CDKAL1: variants seen among roughly 807,000 people sequenced by gnomAD.
The protein encoded by CDKAL1 is threonylcarbamoyladenosine tRNA methylthiotransferase.
In CDKAL1, 32 loss-of-function variants were observed where a neutral mutation model predicts 68.2. The ratio of observed to expected loss-of-function variants is 0.47; its 90% CI spans 0.35 to 0.63. CDKAL1 has a LOEUF of 0.63. CDKAL1 is among the 30% of genes least tolerant of loss of function. The pLI is 0.00. For synonymous variants in CDKAL1, 234 were observed against 244.3 expected (o/e 0.96, Z 0.39); for missense variants, 606 against 696.7 (o/e 0.87, Z 1.47).
intron 5 of CDKAL1, among the ~76,000 whole-genome samples, chr6:20,706,374 C>A (rs1367588280): frequency 1.3e-5 from 2 of 152,154 alleles, no homozygotes; most frequent in African/African-American, 4.8e-5. Flanking sequence ...AGGCTTCCCG[C>A]CAACCCTTTG....
intron 13 of CDKAL1, among the ~76,000 whole-genome samples, chr6:21,144,805 T>C (rs1245050575): frequency 6.6e-6 from 1 of 151,828 alleles, no homozygotes; most frequent in Non-Finnish European, 1.5e-5. Context: ...TGACCTTGTC[T>C]CCAAAAAGAA....
chr6:20,545,237 A>G (rs9366354), intron 2 of CDKAL1, among the ~76,000 whole-genome samples: 66,492 of 151,228 alleles, frequency 0.44, 14,917 homozygotes, highest in East Asian at 0.54. Context: ...CTTGTTTTAT[A>G]TATAATGTCC....
At chr6:21,014,325 C>T (rs3966676) in intron 11 of CDKAL1, among the ~76,000 whole-genome samples, 30,892 of 152,046 alleles carry the variant, frequency 0.2, 3,383 homozygotes, top group South Asian at 0.32. Flanking sequence ...GTTCTCGGGC[C>T]GGGTGTGGTG....
intron 14 of CDKAL1, among the ~76,000 whole-genome samples, chr6:21,199,964 G>T (rs1394520276): frequency 6.6e-6 from 1 of 152,124 alleles, no homozygotes; most frequent in African/African-American, 2.4e-5. Flanking sequence ...TGGAACTCCT[G>T]GCTCTCATCT....
At chr6:20,790,776 G>C (rs1215407568) in intron 8 of CDKAL1, among the ~76,000 whole-genome samples, 1 of 152,156 alleles carries the variant, frequency 6.6e-6, no homozygotes, top group East Asian at 1.9e-4. Context: ...TGCAGGGGGT[G>C]GTCCCCCCAC....
intron 6 of CDKAL1, among the ~76,000 whole-genome samples, chr6:20,752,909 A>G (rs1443017585): frequency 6.6e-6 from 1 of 152,096 alleles, no homozygotes; most frequent in Non-Finnish European, 1.5e-5. Flanking sequence ...AGTCTCCTTT[A>G]ATCTGGATCA....
chr6:21,159,883 G>T (rs1776828682), intron 13 of CDKAL1, among the ~76,000 whole-genome samples: 1 of 152,188 alleles, frequency 6.6e-6, no homozygotes, highest in African/African-American at 2.4e-5. Flanking sequence ...TTGGGTTTGA[G>T]AATATGCTTA....
chr6:20,770,315 A>G (rs1379096459), intron 7 of CDKAL1, among the ~76,000 whole-genome samples: 1 of 152,200 alleles, frequency 6.6e-6, no homozygotes, highest in African/African-American at 2.4e-5. Context: ...GAAAGATTCT[A>G]TAGAGAAAAT....
At chr6:20,863,753 G>A (rs1176016949) in intron 9 of CDKAL1, among the ~76,000 whole-genome samples, 1 of 152,178 alleles carries the variant, frequency 6.6e-6, no homozygotes, top group Non-Finnish European at 1.5e-5. Flanking sequence ...ACTGTAATAT[G>A]TAAGCAAATA....
At chr6:21,172,739 A>G (rs1191341170) in intron 13 of CDKAL1, among the ~76,000 whole-genome samples, 2 of 152,184 alleles carry the variant, frequency 1.3e-5, no homozygotes, top group Non-Finnish European at 2.9e-5. Flanking sequence ...CTGGTGACAG[A>G]GCAAGACCCT....
chr6:20,852,289 A>C (rs1337344423), intron 9 of CDKAL1, among the ~76,000 whole-genome samples: 3 of 152,168 alleles, frequency 2.0e-5, no homozygotes, highest in African/African-American at 7.2e-5. Flanking sequence ...ATCTGATAGG[A>C]GTATGTAAAA....
chr6:21,195,724 G>A (rs543259464), intron 13 of CDKAL1, among the ~76,000 whole-genome samples: 21 of 151,266 alleles, frequency 1.4e-4, no homozygotes, highest in Middle Eastern at 3.4e-3. Context: ...TTACCCAGGC[G>A]GTCTCAAACT....
At chr6:21,050,226 G>A (rs1770467902) in intron 11 of CDKAL1, among the ~76,000 whole-genome samples, 1 of 152,180 alleles carries the variant, frequency 6.6e-6, no homozygotes, top group South Asian at 2.1e-4. Flanking sequence ...TAATATGTTA[G>A]TTGTATTTTA....
chr6:20,879,821 C>T (rs1300045399), intron 9 of CDKAL1, among the ~76,000 whole-genome samples: 1 of 152,130 alleles, frequency 6.6e-6, no homozygotes. Flanking sequence ...TGAGGGAATC[C>T]AATCTCCCAA....
chr6:21,197,098 C>T (rs1778502713), intron 13 of CDKAL1, among the ~76,000 whole-genome samples: 1 of 150,806 alleles, frequency 6.6e-6, no homozygotes, highest in African/African-American at 2.5e-5. Flanking sequence ...GCGGAATTTG[C>T]AGTGAGCCAA....
chr6:20,961,340 T>C (rs56380829), intron 10 of CDKAL1, among the ~76,000 whole-genome samples: 15,228 of 152,086 alleles, frequency 0.1, 1,352 homozygotes, highest in African/African-American at 0.24. Flanking sequence ...AACGCAGGAA[T>C]AGAAAACCGA....
intron 5 of CDKAL1, among the ~76,000 whole-genome samples, chr6:20,664,565 G>A (rs1769438527): frequency 6.6e-6 from 1 of 152,104 alleles, no homozygotes; most frequent in African/African-American, 2.4e-5. Flanking sequence ...AATGGTTTGA[G>A]TCAACATATT....
At chr6:20,582,704 T>C (rs1029119426) in intron 4 of CDKAL1, among the ~76,000 whole-genome samples, 1 of 152,200 alleles carries the variant, frequency 6.6e-6, no homozygotes, top group African/African-American at 2.4e-5. Context: ...TGTAGAAGCA[T>C]GTATGTTGAT....
intron 13 of CDKAL1, among the ~76,000 whole-genome samples, chr6:21,115,199 A>C (rs1012597394): frequency 6.6e-6 from 1 of 152,248 alleles, no homozygotes; most frequent in Non-Finnish European, 1.5e-5. Context: ...TAAGATTACA[A>C]AAGTCACTTC....
Sources: gnomAD v4.1 joint callset for allele counts (sites outside exome capture counted in the v4.1 genomes callset) on GRCh38, gnomAD v4.1.1 for gene constraint, MANE v1.5 for transcripts, NCBI Gene and HGNC (gene_info 2026-07-23, HGNC 2026-07-21) for gene names.